Variants in BAZ2B observed in about 807,000 individuals in gnomAD.
The protein encoded by BAZ2B is bromodomain adjacent to zinc finger domain protein 2B.
A neutral mutation model predicts 246.0 loss-of-function variants in BAZ2B; 91 were observed. The ratio of observed to expected loss-of-function variants is 0.37; its 90% confidence interval spans 0.31 to 0.44. The LOEUF is 0.44. BAZ2B is among the 20% of genes least tolerant of loss of function. The pLI, the probability that BAZ2B is intolerant of heterozygous loss-of-function variation, is 1.00. For synonymous variants in BAZ2B, 855 were observed against 860.0 expected (o/e 0.99, Z 0.10); for missense variants, 2,332 against 2,533.7 (o/e 0.92, Z 1.71).
chr2:159,478,773 A>G, intron 2 of BAZ2B, 52 bp from the exon 3 acceptor site: 2 of 1,355,802 alleles, frequency 1.5e-6, no homozygotes, highest in Admixed American at 2.8e-5. Context: ...AATTTTTTCA[A>G]AAGAATTCAA....
At chr2:159,639,784 C>A in the BAZ2B span, among the ~76,000 whole-genome samples, 3 of 151,836 alleles carry the variant, frequency 2.0e-5, no homozygotes, top group African/African-American at 7.2e-5. Flanking sequence ...GAGGAGAAGA[C>A]CACAAAACAA....
chr2:159,545,860 C>T (rs183965888), intron 2 of BAZ2B, among the ~76,000 whole-genome samples: 88 of 152,246 alleles, frequency 5.8e-4, no homozygotes, highest in African/African-American at 2.1e-3. Flanking sequence ...TTGTGAAACA[C>T]CCTCCACCGA....
At chr2:159,707,994 A>C in the BAZ2B span, among the ~76,000 whole-genome samples, 9 of 152,236 alleles carry the variant, frequency 5.9e-5, no homozygotes, top group African/African-American at 2.2e-4. Flanking sequence ...TCTGTCTCCA[A>C]AATAAATAAA....
At chr2:159,344,027 C>CAAAAAAAAAAAAAAAA (rs70994297) in intron 31 of BAZ2B, among the ~76,000 whole-genome samples, 2 of 96,914 alleles carry the variant, frequency 2.1e-5, no homozygotes, top group African/African-American at 4.0e-5. Flanking sequence ...GACTCCATCT[C>CAAAAAAAAAAAAAAAA]AAAAAAAAAA....
rs925853476 is a variant in BAZ2B at position 159,341,073 on chromosome 2, T to C, written c.5455-3301A>G. ...AATTAAATTTCCCATTTAAAAGACA[T>C]AGACTGGCTGGATTAAAAAAACAAG... is the stretch of plus-strand genomic sequence containing the variant. On this transcript the variant is annotated intron_variant, in intron 31 of 36. Coordinates refer to ENST00000392783, the MANE Select transcript of BAZ2B (RefSeq NM_013450.4). 2.6e-5 allele frequency among the ~76,000 whole-genome samples: 4 copies of C among 152,022 alleles called. No homozygotes were observed. The East Asian group carries it at 7.7e-4, about 29-fold the overall frequency.
intron 2 of BAZ2B, chr2:159,516,658 A>G (rs1046102773): frequency 1.3e-5 from 2 of 152,536 alleles, no homozygotes; most frequent in East Asian, 3.9e-4. Context: ...TTCCTGGTAA[A>G]CAAACTGAAA....
At chr2:159,564,895 G>A (rs1476569983) in intron 1 of BAZ2B, among the ~76,000 whole-genome samples, 1 of 152,180 alleles carries the variant, frequency 6.6e-6, no homozygotes, top group African/African-American at 2.4e-5. Flanking sequence ...TTTTGAGGCA[G>A]AGTCTCACTC....
intron 2 of BAZ2B, among the ~76,000 whole-genome samples, chr2:159,533,495 T>C (rs533865910): frequency 6.6e-6 from 1 of 152,292 alleles, no homozygotes; most frequent in South Asian, 2.1e-4. Context: ...GCTTTATATA[T>C]AACACATTAT....
rs554736073 is a variant in BAZ2B at position 159,571,468 on chromosome 2, CAG to C, written c.-45-15605_-45-15604del. ...GGAATTTACTGTCTCTTATGCTAAACAGATGATTTATGGGGTGGGGAGAGCTA... is the reference window on the plus strand; with the variant it reads ...GGAATTTACTGTCTCTTATGCTAAACATGATTTATGGGGTGGGGAGAGCTA... On this transcript the variant is annotated intron_variant, in intron 1 of 36. Transcript: ENST00000392783. 2.5e-3 allele frequency among the ~76,000 whole-genome samples: 375 copies of C among 152,180 alleles called. 2 individuals carry two copies. The highest frequency in any genetic ancestry group is 8.6e-3 in the African/African-American group (359 of 41,528).
At chr2:159,584,874 T>A (rs1687688093) in intron 1 of BAZ2B, among the ~76,000 whole-genome samples, 1 of 152,114 alleles carries the variant, frequency 6.6e-6, no homozygotes, top group Non-Finnish European at 1.5e-5. Context: ...ATCTAGTCAT[T>A]TAAAAGTGTA....
intron 5 of BAZ2B, among the ~76,000 whole-genome samples, chr2:159,447,850 C>T (rs963049281): frequency 2.6e-5 from 4 of 152,268 alleles, no homozygotes; most frequent in South Asian, 2.1e-4. Flanking sequence ...TGGTGGCCTA[C>T]GCTTGTGATC....
chr2:159,432,871 A>T lies in BAZ2B; in HGVS notation c.1786T>A (p.Ser596Thr). 6.2e-7 allele frequency: 1 copy of T among 1,614,092 alleles called. No individual in the cohort carries two copies. The highest frequency in any genetic ancestry group is 2.2e-5 in the East Asian group (1 of 44,884). Reference protein sequence around the residue: ...SLVEQFRGTDSDIPSSKDSED... With the variant: ...SLVEQFRGTDTDIPSSKDSED... ...GAATCTTTACTACTGGGAATGTCTG[A>T]ATCTGTTCCTCTGAATTGTTCCACT... The change falls in exon 9 of 37, where the codon TCA becomes ACA. Residue 596 changes from serine (S) to threonine (T), a missense_variant. Ser to Thr is a moderately conservative substitution (Grantham distance 58, BLOSUM62 1). Around this residue, in one of 9 missense-constraint regions of BAZ2B, gnomAD observed 651 missense variants for 650.9 expected, o/e 1.00. Transcript: ENST00000392783.
the BAZ2B span, among the ~76,000 whole-genome samples, chr2:159,659,194 C>T: frequency 6.6e-6 from 1 of 152,156 alleles, no homozygotes; most frequent in East Asian, 1.9e-4. Context: ...AATCTGGCTT[C>T]CTAGAAGTTG....
the BAZ2B span, among the ~76,000 whole-genome samples, chr2:159,639,112 A>G: frequency 2.0e-5 from 3 of 151,974 alleles, no homozygotes; most frequent in Admixed American, 2.0e-4. Flanking sequence ...AAGTGTTGGG[A>G]AAACACACAC....
chr2:159,666,473 C>A, the BAZ2B span, among the ~76,000 whole-genome samples: 1 of 152,016 alleles, frequency 6.6e-6, no homozygotes, highest in African/African-American at 2.4e-5. Flanking sequence ...GTTGCCCAGG[C>A]TGGTCTCAAA....
chr2:159,550,639 C>CTTGG (rs900570841), intron 2 of BAZ2B, among the ~76,000 whole-genome samples: 6 of 152,030 alleles, frequency 3.9e-5, no homozygotes, highest in Admixed American at 3.9e-4. Context: ...TCATGCCATA[C>CTTGG]TTGGTTATAT....
chr2:159,476,062 G>A (rs1233567687), intron 3 of BAZ2B, among the ~76,000 whole-genome samples: 2 of 152,104 alleles, frequency 1.3e-5, no homozygotes, highest in African/African-American at 2.4e-5. Flanking sequence ...AGCAAAGCTC[G>A]AGTGCTGTGC....
chr2:159,578,698 A>G (rs1685960664), intron 1 of BAZ2B, among the ~76,000 whole-genome samples: 1 of 152,222 alleles, frequency 6.6e-6, no homozygotes, highest in African/African-American at 2.4e-5. Context: ...CAGCAAATGT[A>G]AAAGAACAGA....
At chr2:159,374,427 T>C (rs1325473137) in intron 26 of BAZ2B, among the ~76,000 whole-genome samples, 2 of 152,228 alleles carry the variant, frequency 1.3e-5, no homozygotes, top group Non-Finnish European at 2.9e-5. Context: ...ATATTTTCTT[T>C]CTAGGCTCTG....
Sources: gnomAD v4.1 joint callset for allele counts (sites outside exome capture counted in the v4.1 genomes callset) on GRCh38, gnomAD v4.1.1 for gene constraint, gnomAD v4.1.1 regional missense constraint, MANE v1.5 for transcripts, NCBI Gene and HGNC (gene_info 2026-07-23, HGNC 2026-07-21) for gene names.